Variants in FAM185A observed in about 807,000 individuals in gnomAD.
FAM185A encodes family with sequence similarity 185 member A, also known as protein FAM185A.
FAM185A carries 21 observed loss-of-function variants against 45.7 expected under a neutral mutation model. The observed-to-expected ratio is 0.46, with a 90% CI of 0.33 to 0.66. The LOEUF (loss-of-function observed/expected upper bound fraction) is 0.66. FAM185A is among the 30% of genes least tolerant of loss of function. The pLI, the probability that FAM185A is intolerant of heterozygous loss-of-function variation, is 0.03. For synonymous variants in FAM185A, 117 were observed against 194.0 expected, an observed-to-expected ratio of 0.60 and a Z score of 3.30; for missense variants, 305 against 485.4, an observed-to-expected ratio of 0.63 and a Z score of 3.49.
At chr7:102,831,431 A>ACCCCC in the FAM185A span, among the ~76,000 whole-genome samples, 626 of 147,230 alleles carry the variant, frequency 4.3e-3, 7 homozygotes, top group African/African-American at 0.014. Context: ...ACACACACAC[A>ACCCCC]CCCCACTACA....
At chr7:102,812,619 C>G (rs1797491783), downstream of FAM185A, among the ~76,000 whole-genome samples, 1 of 152,226 alleles carries the variant, frequency 6.6e-6, no homozygotes, top group East Asian at 1.9e-4. Flanking sequence ...AAAAGCGTTA[C>G]AGATCCTTAA....
At chr7:102,808,227 T>A (rs961179880) in intron 7 of FAM185A, 63 bp from the exon 8 acceptor site, 9 of 1,055,478 alleles carry the variant, frequency 8.5e-6, no homozygotes, top group Non-Finnish European at 1.1e-5. Flanking sequence ...CAGAGATGTG[T>A]TGCTAGGATC....
intron 2 of FAM185A, among the ~76,000 whole-genome samples, chr7:102,756,183 TCC>T (rs1793719252): frequency 1.3e-5 from 2 of 151,930 alleles, no homozygotes; most frequent in African/African-American, 4.8e-5. Flanking sequence ...AGTAGCACGA[TCC>T]TAGCTCACTG....
At chr7:102,787,884 A>G (rs1193198870) in intron 7 of FAM185A, among the ~76,000 whole-genome samples, 2 of 152,222 alleles carry the variant, frequency 1.3e-5, no homozygotes, top group Non-Finnish European at 2.9e-5. Flanking sequence ...CAGTCCCACA[A>G]ATGTGAATCG....
At chr7:102,758,436 T>A (rs1258707675) in intron 3 of FAM185A, among the ~76,000 whole-genome samples, 9 of 120,978 alleles carry the variant, frequency 7.4e-5, no homozygotes, top group Non-Finnish European at 1.6e-4. Flanking sequence ...GCTTTTTTTT[T>A]TTTTTTTTTT....
At chr7:102,771,521 C>A (rs1584303072) in intron 4 of FAM185A, among the ~76,000 whole-genome samples, 1 of 151,572 alleles carries the variant, frequency 6.6e-6, no homozygotes, top group African/African-American at 2.4e-5. Flanking sequence ...GTAAATGAAT[C>A]CAGTGCCTTT....
chr7:102,826,715 A>G, the FAM185A span, among the ~76,000 whole-genome samples: 1 of 116,162 alleles, frequency 8.6e-6, no homozygotes, highest in Non-Finnish European at 1.8e-5. Context: ...ACAGAGTGAG[A>G]CCCTGTCTCA....
At chr7:102,758,426 GCTTTTTTTTTTTTTT>G (rs1394196821) in intron 3 of FAM185A, among the ~76,000 whole-genome samples, 1 of 95,864 alleles carries the variant, frequency 1.0e-5, no homozygotes, top group Non-Finnish European at 2.0e-5. Context: ...TGCTCTCACA[GCTTTTTTTTTTTTTT>G]TTTTTTTTTT....
At chr7:102,767,125 G>T (rs1421356464) in intron 4 of FAM185A, among the ~76,000 whole-genome samples, 1 of 120,794 alleles carries the variant, frequency 8.3e-6, no homozygotes, top group African/African-American at 3.1e-5. Context: ...TATTAGAAAA[G>T]AATTACAGCT....
intron 6 of FAM185A, among the ~76,000 whole-genome samples, chr7:102,785,458 C>A: frequency 6.6e-6 from 1 of 152,026 alleles, no homozygotes; most frequent in Non-Finnish European, 1.5e-5. Flanking sequence ...ACCAAAACAG[C>A]ATGGTACTGG....
chr7:102,838,780 A>C, the FAM185A span, among the ~76,000 whole-genome samples: 1 of 152,120 alleles, frequency 6.6e-6, no homozygotes, highest in Non-Finnish European at 1.5e-5. Context: ...GTCTCGATAA[A>C]CCAGGGGCAC....
At chr7:102,840,269 G>T in the FAM185A span, among the ~76,000 whole-genome samples, 1 of 152,186 alleles carries the variant, frequency 6.6e-6, no homozygotes, top group African/African-American at 2.4e-5. Context: ...TCAGGTTTTA[G>T]ATTTTCTCTC....
chr7:102,828,263 C>T, the FAM185A span, among the ~76,000 whole-genome samples: 2 of 152,098 alleles, frequency 1.3e-5, no homozygotes, highest in Non-Finnish European at 2.9e-5. Flanking sequence ...TTTCATTGAG[C>T]AGTGGTTTGT....
intron 6 of FAM185A, among the ~76,000 whole-genome samples, chr7:102,786,579 C>CA (rs1334465385): frequency 1.3e-5 from 2 of 152,094 alleles, no homozygotes; most frequent in South Asian, 2.1e-4. Flanking sequence ...ATCGCAAGGA[C>CA]AAAAAACCAA....
At chr7:102,822,612 G>A in the FAM185A span, among the ~76,000 whole-genome samples, 1 of 152,142 alleles carries the variant, frequency 6.6e-6, no homozygotes, top group Non-Finnish European at 1.5e-5. Context: ...ATAATTTTTG[G>A]AGGACAAACA....
At chr7:102,816,852 T>C in the FAM185A span, among the ~76,000 whole-genome samples, 2 of 152,254 alleles carry the variant, frequency 1.3e-5, no homozygotes, top group East Asian at 3.8e-4. Flanking sequence ...AGTGAGAACA[T>C]GCAGTATTTG....
At chr7:102,850,714 A>G in the FAM185A span, among the ~76,000 whole-genome samples, 39 of 152,184 alleles carry the variant, frequency 2.6e-4, no homozygotes, top group Admixed American at 1.3e-4. Flanking sequence ...AAGAGTTACA[A>G]TATTTCCAAT....
intron 7 of FAM185A, among the ~76,000 whole-genome samples, chr7:102,793,995 G>A (rs1160523806): frequency 2.2e-4 from 32 of 144,386 alleles, no homozygotes; most frequent in African/African-American, 8.1e-4. Flanking sequence ...AGCCGAGATC[G>A]TGCCACTGGA....
chr7:102,826,602 A>G, the FAM185A span, among the ~76,000 whole-genome samples: 13 of 150,072 alleles, frequency 8.7e-5, no homozygotes, highest in East Asian at 1.6e-3. Flanking sequence ...TGGGTATGCT[A>G]GTAGTCCAGC....
Sources: allele counts gnomAD v4.1 joint callset (sites outside exome capture counted in the v4.1 genomes callset), GRCh38; gene constraint gnomAD v4.1.1; transcripts MANE v1.5; gene names NCBI Gene and HGNC (gene_info 2026-07-23, HGNC 2026-07-21).